Variants in RET observed in about 807,000 individuals in gnomAD.
The protein encoded by RET is proto-oncogene tyrosine-protein kinase receptor Ret.
Under a neutral mutation model 118.3 loss-of-function variants are expected in RET, and 19 were observed. The ratio of observed to expected loss-of-function variants is 0.16; its 90% CI spans 0.11 to 0.24. The LOEUF (loss-of-function observed/expected upper bound fraction) is 0.24, where lower values mean the gene tolerates loss of function less well. Among genes scored for constraint, RET ranks in the 10% least tolerant of loss-of-function variants. The pLI is 1.00. For synonymous variants in RET, 597 were observed against 644.1 expected, an observed-to-expected ratio of 0.93 and a Z score of 1.11; for missense variants, 1,219 against 1,502.1, an observed-to-expected ratio of 0.81 and a Z score of 3.12.
intron 1 of RET, among the ~76,000 whole-genome samples, chr10:43,099,513 AAAAT>A (rs751291577): frequency 0.04 from 5,826 of 146,316 alleles, 125 homozygotes; most frequent in African/African-American, 0.056. Context: ...CTCCATCTCA[AAAAT>A]AAATAAATAA....
intron 1 of RET, among the ~76,000 whole-genome samples, chr10:43,077,995 C>T (rs1018170064): frequency 7.9e-5 from 12 of 152,210 alleles, no homozygotes; most frequent in African/African-American, 2.7e-4. Context: ...CGCTGCCTGG[C>T]AGAGATGCTG....
At chr10:43,105,387 C>T (rs1416298499) in intron 4 of RET, among the ~76,000 whole-genome samples, 194 bp downstream of exon 4, 2 of 151,998 alleles carry the variant, frequency 1.3e-5, no homozygotes, top group Admixed American at 1.3e-4. Flanking sequence ...CCCAGCTGGG[C>T]CTTGCCTCGG....
chr10:43,098,600 T>G (rs1837571812), intron 1 of RET, among the ~76,000 whole-genome samples: 1 of 152,160 alleles, frequency 6.6e-6, no homozygotes, highest in Non-Finnish European at 1.5e-5. Context: ...TTTTGTATTT[T>G]TAGTAGAGAC....
At chr10:43,094,181 C>T (rs1837470484) in intron 1 of RET, among the ~76,000 whole-genome samples, 1 of 151,854 alleles carries the variant, frequency 6.6e-6, no homozygotes, top group East Asian at 1.9e-4. Flanking sequence ...GGACAGCTGG[C>T]CTGGGGAGGC....
At chr10:43,126,094 T>A (rs904593594) in intron 18 of RET, among the ~76,000 whole-genome samples, 2 of 152,204 alleles carry the variant, frequency 1.3e-5, no homozygotes, top group African/African-American at 4.8e-5. Context: ...CGTGACGTTC[T>A]AGATGGCAGG....
At chr10:43,102,001 G>A (rs1292289673) in intron 2 of RET, among the ~76,000 whole-genome samples, 1 of 134,256 alleles carries the variant, frequency 7.4e-6, no homozygotes, top group Non-Finnish European at 1.7e-5. Context: ...CTCCTGAGGA[G>A]GGTGTGGCAG....
rs537964111 is a variant in RET, at chr10:43,080,733, G to A, written c.73+3402G>A. Among the ~76,000 whole-genome samples, 13 of 152,352 alleles carry A rather than the reference G, an allele frequency of 8.5e-5. No homozygotes were observed. The South Asian group carries it at 2.1e-3, about 24-fold the overall frequency. ...GACGCTGAGATACTCTCTGGGTCTC[G>A]TCAGCTTTAGTTGATGTCTGGGAGT... On this transcript the variant is annotated intron_variant, in intron 1 of 19. Transcript: ENST00000355710.
intron 6 of RET, 61 bp from the exon 7 acceptor site, chr10:43,111,146 C>A: frequency 6.2e-7 from 1 of 1,606,290 alleles, no homozygotes; most frequent in South Asian, 1.1e-5. Flanking sequence ...GAATCTCTAC[C>A]CTCAGGCCAT....
intron 11 of RET, among the ~76,000 whole-genome samples, chr10:43,116,301 CA>C (rs1838068403): frequency 6.6e-6 from 1 of 152,186 alleles, no homozygotes; most frequent in African/African-American, 2.4e-5. Context: ...AGTCCTGGGG[CA>C]GGGGTCAGGG....
chr10:43,109,045 C>A lies in RET; in HGVS notation c.1078C>A (p.Arg360=), dbSNP rs1424549058. 4 of 1,613,130 alleles carry A rather than the reference C, an allele frequency of 2.5e-6. No homozygotes were observed. The highest frequency in any genetic ancestry group is 1.7e-5 in the Admixed American group (1 of 60,022). Residue 360 remains arginine (R), a synonymous_variant, in exon 6 of 20, where the codon CGG becomes AGG. Coordinates refer to ENST00000355710, the MANE Select transcript of RET (RefSeq NM_020975.6). ...CCTACCTGCAGGGCTGGTTCTCAAC[C>A]GGAACCTCTCCATCTCGGAGAACCG... ...TVHDYRLVLN[R]NLSISENRTM... is the part of the protein sequence containing the mutation.
chr10:43,093,602 G>A (rs1219108039), intron 1 of RET, among the ~76,000 whole-genome samples: 1 of 152,212 alleles, frequency 6.6e-6, no homozygotes, highest in East Asian at 1.9e-4. Flanking sequence ...AGGACAGGGT[G>A]CAGAGGAGGA....
chr10:43,128,239 G>A lies in RET; in HGVS notation c.3315G>A (p.Ala1105=), dbSNP rs766572480. The stretch of plus-strand genomic sequence containing the variant: ...CTAACTGGATGCTTTCACCCTCAGC[G>A]GCAAAATTAATGGACACGTTTGATA... ...VYANWMLSPS[A]AKLMDTFDS Residue 1105 remains alanine, a synonymous_variant, in exon 20 of 20, where the codon GCG becomes GCA. Coordinates refer to ENST00000355710, the MANE Select transcript of RET (RefSeq NM_020975.6). 4.3e-6 allele frequency: 7 copies of A among 1,614,024 alleles called. No homozygotes were observed. The highest frequency in any genetic ancestry group is 2.2e-5 in the East Asian group (1 of 44,894).
At chr10:43,098,680 C>T (rs1221711925) in intron 1 of RET, among the ~76,000 whole-genome samples, 1 of 152,176 alleles carries the variant, frequency 6.6e-6, no homozygotes. Flanking sequence ...CCTAGGCCTC[C>T]GAAAGTATTA....
At chr10:43,123,913 G>A (rs1365902985) in intron 17 of RET, 105 bp downstream of exon 17, 2 of 1,409,400 alleles carry the variant, frequency 1.4e-6, no homozygotes, top group African/African-American at 2.8e-5. Context: ...CAGGAGAAGT[G>A]GGGGGTGGGG....
chr10:43,089,816 T>C (rs1387385536), intron 1 of RET, among the ~76,000 whole-genome samples: 2 of 152,206 alleles, frequency 1.3e-5, no homozygotes, highest in African/African-American at 4.8e-5. Flanking sequence ...AGGTTGAGTG[T>C]ATGGGCACTG....
intron 18 of RET, 68 bp downstream of exon 18, chr10:43,125,050 C>A: frequency 6.8e-7 from 1 of 1,465,122 alleles, no homozygotes; most frequent in Non-Finnish European, 9.5e-7. Flanking sequence ...CACCCCAGGG[C>A]AGTAGTTTTA....
intron 1 of RET, among the ~76,000 whole-genome samples, chr10:43,095,915 G>A (rs189320780): frequency 3.6e-4 from 55 of 152,318 alleles, no homozygotes; most frequent in African/African-American, 1.2e-3. Context: ...CCAGAACCAC[G>A]GTGGCGGGGG....
At chr10:43,112,345 A>G in intron 8 of RET, 121 bp downstream of exon 8, 1 of 1,431,030 alleles carries the variant, frequency 7.0e-7, no homozygotes, top group Non-Finnish European at 9.6e-7. Flanking sequence ...CTGGCACCTC[A>G]TCCCCCATGT....
chr10:43,099,629 G>C (rs1837593433), intron 1 of RET, among the ~76,000 whole-genome samples: 1 of 152,044 alleles, frequency 6.6e-6, no homozygotes, highest in African/African-American at 2.4e-5. Context: ...CACGTGATCT[G>C]CACCCTTCTC....
Sources: gnomAD v4.1 joint callset for allele counts (sites outside exome capture counted in the v4.1 genomes callset) on GRCh38, gnomAD v4.1.1 for gene constraint, MANE v1.5 for transcripts, NCBI Gene and HGNC (gene_info 2026-07-23, HGNC 2026-07-21) for gene names.